Variants in PM20D2 observed in about 807,000 individuals in gnomAD.
The protein encoded by PM20D2 is peptidase M20 domain containing 2, also known as xaa-Arg dipeptidase.
A neutral mutation model predicts 42.9 loss-of-function variants in PM20D2; 33 were observed. The observed-to-expected ratio is 0.77, with a 90% confidence interval of 0.58 to 1.03. The LOEUF is 1.03. Among genes scored for constraint, PM20D2 ranks in the 50% least tolerant of loss-of-function variants. The pLI is 0.00. For missense variants in PM20D2, 548 were observed against 557.0 expected, an observed-to-expected ratio of 0.98 and a Z score of 0.16; for synonymous variants, 250 against 228.2, an observed-to-expected ratio of 1.10 and a Z score of -0.86.
At chr6:89,158,121 C>A (rs1209194218) in intron 4 of PM20D2, among the ~76,000 whole-genome samples, 1 of 152,100 alleles carries the variant, frequency 6.6e-6, no homozygotes, top group African/African-American at 2.4e-5. Context: ...GTATATATAG[C>A]ATAAAAGAGA....
At chr6:89,119,533 G>A in the PM20D2 span, among the ~76,000 whole-genome samples, 1 of 152,220 alleles carries the variant, frequency 6.6e-6, no homozygotes, top group Non-Finnish European at 1.5e-5. Context: ...TAATACAAAA[G>A]CTTAGAATGC....
chr6:89,153,638 C>T (rs1158829773), intron 3 of PM20D2, among the ~76,000 whole-genome samples: 2 of 152,098 alleles, frequency 1.3e-5, no homozygotes, highest in South Asian at 2.1e-4. Flanking sequence ...TGCTCTATTG[C>T]CCAGGCTGGA....
At chr6:89,126,099 G>A in the PM20D2 span, among the ~76,000 whole-genome samples, 4 of 150,902 alleles carry the variant, frequency 2.7e-5, no homozygotes, top group Non-Finnish European at 4.4e-5. Flanking sequence ...AAAAAAAAAA[G>A]TAAAGTATTT....
rs182591261 is a variant in PM20D2, at chr6:89,149,960, A to C, written c.614+547A>C. 1.5e-4 allele frequency among the ~76,000 whole-genome samples: 23 copies of C among 152,134 alleles called. 1 individual carries two copies. The East Asian group carries it at 4.3e-3, about 28-fold the overall frequency. ...TATTTGTCTTTCTTTATGTTGAAGA[A>C]CTCACTTTTTAGTACCTAGGAGCAC... On this transcript the variant is annotated intron_variant, in intron 2 of 6. Transcript: ENST00000275072.
At chr6:89,121,987 A>G in the PM20D2 span, among the ~76,000 whole-genome samples, 1 of 152,208 alleles carries the variant, frequency 6.6e-6, no homozygotes, top group Non-Finnish European at 1.5e-5. Context: ...TATAAAGTGT[A>G]TTGCAAGAAA....
chr6:89,095,131 T>C, the PM20D2 span, among the ~76,000 whole-genome samples: 5 of 152,224 alleles, frequency 3.3e-5, no homozygotes, highest in African/African-American at 1.2e-4. Flanking sequence ...CAGACAGTAC[T>C]GCATTAAGTA....
chr6:89,105,197 C>T, the PM20D2 span: 1 of 1,612,410 alleles, frequency 6.2e-7, no homozygotes, highest in Non-Finnish European at 8.5e-7. Context: ...GCTGGGGCTT[C>T]TTGATCTCCT....
rs1771259777 is a variant in PM20D2 at position 89,162,035 on chromosome 6, T to C, written c.1157-74T>C. 1.3e-6 allele frequency: 2 copies of C among 1,548,290 alleles called. 1 individual carries two copies. Among genetic ancestry groups the C allele is most frequent in the South Asian group, 2.4e-5 (2 of 84,878 alleles). ...TGGGCAGTTGGAGAGCCAGTTGAGA[T>C]ACGGGTAGCTAACCTGTGAAATTAA... On this transcript the variant is annotated intron_variant, in intron 6 of 6. Coordinates refer to ENST00000275072, the MANE Select transcript of PM20D2 (RefSeq NM_001010853.3).
At chr6:89,130,034 C>CCAAAACATTTTTATTTAAGG in the PM20D2 span, among the ~76,000 whole-genome samples, 2 of 145,246 alleles carry the variant, frequency 1.4e-5, no homozygotes, top group African/African-American at 2.5e-5. Context: ...CTGTGCCTGG[C>CCAAAACATTTTTATTTAAGG]TCTTCTCTTC....
At chr6:89,121,219 G>C in the PM20D2 span, among the ~76,000 whole-genome samples, 2 of 152,242 alleles carry the variant, frequency 1.3e-5, no homozygotes, top group East Asian at 3.9e-4. Context: ...AGCTGGAATT[G>C]ATATAAAATA....
upstream of PM20D2, among the ~76,000 whole-genome samples, chr6:89,142,942 G>A (rs566585063): frequency 2.6e-4 from 40 of 152,208 alleles, no homozygotes; most frequent in South Asian, 4.1e-4. Context: ...ACAGGTGTGC[G>A]CCACCGCGCC....
At chr6:89,129,741 GTCACT>G in the PM20D2 span, among the ~76,000 whole-genome samples, 1 of 151,804 alleles carries the variant, frequency 6.6e-6, no homozygotes, top group African/African-American at 2.4e-5. Flanking sequence ...CTACATGCAT[GTCACT>G]GTACCTGGCT....
the PM20D2 span, among the ~76,000 whole-genome samples, chr6:89,117,503 C>T: frequency 6.6e-6 from 1 of 152,210 alleles, no homozygotes; most frequent in Non-Finnish European, 1.5e-5. Context: ...CGGCGGGGAG[C>T]GACCTGAGCT....
chr6:89,132,088 G>A, the PM20D2 span, among the ~76,000 whole-genome samples: 1 of 152,108 alleles, frequency 6.6e-6, no homozygotes, highest in African/African-American at 2.4e-5. Flanking sequence ...ATGGAAAGCT[G>A]ACAAGAACCA....
At chr6:89,161,262 G>A (rs553904846) in intron 5 of PM20D2, among the ~76,000 whole-genome samples, 1 of 152,306 alleles carries the variant, frequency 6.6e-6, no homozygotes, top group South Asian at 2.1e-4. Context: ...GTATGAGCAT[G>A]GAACTTAGCA....
Position 89,154,958 on chromosome 6 carries a change from G to A in PM20D2, c.912+56G>A, listed in dbSNP as rs990770211. On this transcript the variant is annotated intron_variant, in intron 4 of 6. Coordinates refer to ENST00000275072, the MANE Select transcript of PM20D2 (RefSeq NM_001010853.3). Reference sequence around the variant, plus strand: ...CAATCAGAGGTATATATGTGGGCTAGCACTGTTAGATTGAAATCTAACTTG... The same window carrying A: ...CAATCAGAGGTATATATGTGGGCTAACACTGTTAGATTGAAATCTAACTTG... 1.4e-5 allele frequency: 20 copies of A among 1,379,730 alleles called. No homozygotes were observed. The Admixed American group carries it at 3.6e-4, about 25-fold the overall frequency. 85.5% of individuals were successfully genotyped at this position (1,379,730 alleles called of 1,614,324 possible).
At chr6:89,106,070 T>C in the PM20D2 span, 99,388 of 152,090 alleles carry the variant, frequency 0.65, 33,260 homozygotes, top group East Asian at 0.78. Flanking sequence ...AAACCGGATT[T>C]AGTGCTTTAA....
chr6:89,111,509 C>T, the PM20D2 span, among the ~76,000 whole-genome samples: 2 of 152,290 alleles, frequency 1.3e-5, no homozygotes, highest in East Asian at 3.9e-4. Flanking sequence ...CTTATATCCT[C>T]ATAACTTACT....
At chr6:89,133,149 A>G in the PM20D2 span, among the ~76,000 whole-genome samples, 3 of 150,370 alleles carry the variant, frequency 2.0e-5, no homozygotes, top group South Asian at 6.3e-4. Flanking sequence ...GGAACACTTG[A>G]TCCCAGGAGT....
Sources: gnomAD v4.1 joint callset for allele counts (sites outside exome capture counted in the v4.1 genomes callset) on GRCh38, gnomAD v4.1.1 for gene constraint, MANE v1.5 for transcripts, NCBI Gene and HGNC (gene_info 2026-07-23, HGNC 2026-07-21) for gene names.